ACSM2A: variants seen among roughly 807,000 people sequenced by gnomAD.
ACSM2A encodes acyl-coenzyme A synthetase ACSM2A, mitochondrial.
A neutral mutation model predicts 76.6 loss-of-function variants in ACSM2A; 72 were observed. That is an observed-to-expected ratio of 0.94 (90% CI 0.78 to 1.14). The LOEUF (loss-of-function observed/expected upper bound fraction) is 1.14, where lower values mean the gene tolerates loss of function less well. ACSM2A is among the 50% of genes most tolerant of loss of function. ACSM2A has a pLI of 0.00. For synonymous variants in ACSM2A, 249 were observed against 255.9 expected (o/e 0.97, Z 0.26); for missense variants, 684 against 708.5 (o/e 0.97, Z 0.39).
chr16:20,486,573 G>C lies in ACSM2A; in HGVS notation c.1630-1G>C. The C allele has an allele frequency of 2.5e-6, 4 of 1,614,142 alleles. No individual in the cohort carries two copies. Among genetic ancestry groups the C allele is most frequent in the Non-Finnish European group, 3.4e-6 (4 of 1,179,982 alleles). ...CCCTGGACTGATTTGTTTTTCAACA[G>C]ATAGAGTTTGTCTTGAACCTGCCCA... On this transcript the variant is annotated splice_acceptor_variant, in intron 13 of 13. Transcript: ENST00000573854. LOFTEE classifies it high-confidence loss of function.
rs184257650 is a variant in ACSM2A, at chr16:20,482,861, T to C, written c.1510-197T>C. ...TAGTCTCAATCTTTTGTCCACCTGC[T>C]CCTCCAATAAATGACTTCAGAGAGA... On this transcript the variant is annotated intron_variant, in intron 12 of 13. Coordinates refer to ENST00000573854, the MANE Select transcript of ACSM2A (RefSeq NM_001308172.2). 570 of 725,658 alleles carry C rather than the reference T, an allele frequency of 7.9e-4. 6 individuals carry two copies. In the East Asian group the frequency reaches 0.014, roughly 18 times the overall value. 45.0% of individuals were successfully genotyped at this position (725,658 alleles called of 1,614,324 possible). A position where few individuals can be genotyped will look rare whatever the true frequency, so the allele number is the denominator to read the frequency against.
chr16:20,478,764 C>G (rs2013913827), intron 10 of ACSM2A, 87 bp downstream of exon 10: 1 of 1,453,552 alleles, frequency 6.9e-7, no homozygotes, highest in Admixed American at 2.0e-5. Flanking sequence ...TCTGAAACTT[C>G]CAAGAGGCAC....
At chr16:20,457,940 C>T (rs1305501875) in intron 1 of ACSM2A, among the ~76,000 whole-genome samples, 1 of 151,944 alleles carries the variant, frequency 6.6e-6, no homozygotes. Flanking sequence ...CAAAGAACTC[C>T]TACAACTAAT....
At chr16:20,474,156 A>G in intron 6 of ACSM2A, 1 of 396,694 alleles carries the variant, frequency 2.5e-6, no homozygotes, top group Non-Finnish European at 4.9e-6. Context: ...TGTTCTCAGG[A>G]CATCCTGAGG....
rs1339082072 is a variant in ACSM2A, at chr16:20,475,640, T to C, written c.975-10T>C. 2 of 1,613,964 alleles carry C rather than the reference T, an allele frequency of 1.2e-6. No individual in the cohort carries two copies. Among genetic ancestry groups the C allele is most frequent in the South Asian group, 1.1e-5 (1 of 91,076 alleles). On this transcript the variant is annotated splice_polypyrimidine_tract_variant and intron_variant, in intron 7 of 13. Transcript: ENST00000573854. ...GAGGCTGAGGGCAAACATTTATTTCTCTTCTTCAGTTACAAGTTCCCCCAT... is the reference window on the plus strand; with the variant it reads ...GAGGCTGAGGGCAAACATTTATTTCCCTTCTTCAGTTACAAGTTCCCCCAT...
rs1177435625 is a variant in ACSM2A, at chr16:20,480,917, G to A, written c.1505G>A (p.Gly502Glu). Residue 502 changes from glycine to glutamate, a missense_variant, in exon 12 of 14, where the codon GGA becomes GAA. Coordinates refer to ENST00000573854, the MANE Select transcript of ACSM2A (RefSeq NM_001308172.2). ...AVISSPDPVR[G>E]EVVKAFVVLA... ...ATCAGCAGCCCAGACCCCGTCCGAG[G>A]AGAGGTGATGGGGAAGCAGTAGCCT... 6.2e-7 allele frequency: 1 copy of A among 1,613,924 alleles called. No homozygotes were observed. Among genetic ancestry groups the A allele is most frequent in the Non-Finnish European group, 8.5e-7 (1 of 1,179,858 alleles).
intron 9 of ACSM2A, 41 bp from the exon 10 acceptor site, chr16:20,478,535 C>T (rs2013889546): frequency 1.2e-6 from 2 of 1,600,186 alleles, no homozygotes; most frequent in Admixed American, 1.7e-5. Flanking sequence ...AAGCCATCTC[C>T]TGCTGTGTGC....
At chr16:20,452,369 C>G (rs1427308162) in intron 1 of ACSM2A, 1 of 137,442 alleles carries the variant, frequency 7.3e-6, no homozygotes, top group Non-Finnish European at 1.5e-5. Flanking sequence ...GCTTCCTGCA[C>G]TTGAACATCA....
chr16:20,477,340 T>C (rs1261390020), intron 8 of ACSM2A, 29 bp from the exon 9 acceptor site: 1 of 1,583,294 alleles, frequency 6.3e-7, no homozygotes, highest in Non-Finnish European at 8.6e-7. Flanking sequence ...CCTCCTGAGG[T>C]TTGCTGATCT....
intron 4 of ACSM2A, 22 bp downstream of exon 4, chr16:20,469,741 C>T (rs1338236995): frequency 6.2e-7 from 1 of 1,613,330 alleles, no homozygotes; most frequent in East Asian, 2.2e-5. Context: ...CATGTCTCAG[C>T]CTGGGTTTTA....
At chr16:20,475,965 G>A (rs1490253846) in intron 8 of ACSM2A, 192 bp downstream of exon 8, 65 of 1,341,658 alleles carry the variant, frequency 4.8e-5, no homozygotes, top group Non-Finnish European at 6.0e-5. Flanking sequence ...CCTGTTTTCT[G>A]GGAGATTACA....
intron 1 of ACSM2A, among the ~76,000 whole-genome samples, chr16:20,458,941 TATATA>T (rs2012431947): frequency 8.3e-6 from 1 of 120,248 alleles, no homozygotes; most frequent in Non-Finnish European, 1.7e-5. Flanking sequence ...TACATATATA[TATATA>T]ATGAAATACT....
chr16:20,486,754 G>A lies in ACSM2A; in HGVS notation c.*76G>A, dbSNP rs2014403457. Reference sequence around the variant, plus strand: ...CCCTTTGGGCCCTTGGCCTTCCTATGATTATATGAGATTCTTTATGGAAGA... The same window carrying A: ...CCCTTTGGGCCCTTGGCCTTCCTATAATTATATGAGATTCTTTATGGAAGA... On this transcript the variant is annotated 3_prime_UTR_variant, in exon 14 of 14. Coordinates refer to ENST00000573854, the MANE Select transcript of ACSM2A (RefSeq NM_001308172.2). The A allele has an allele frequency of 1.3e-6, 2 of 1,511,016 alleles. No homozygotes were observed. The highest frequency in any genetic ancestry group is 9.1e-7 in the Non-Finnish European group (1 of 1,099,104). 93.6% of individuals were successfully genotyped at this position (1,511,016 alleles called of 1,614,324 possible).
At chr16:20,453,419 T>A (rs1226758657) in intron 1 of ACSM2A, 7 of 151,494 alleles carry the variant, frequency 4.6e-5, no homozygotes, top group Non-Finnish European at 1.0e-4. Flanking sequence ...ATTTATCACG[T>A]CCCCAATTAA....
chr16:20,468,034 G>A (rs1271053348), intron 3 of ACSM2A, among the ~76,000 whole-genome samples: 1 of 152,038 alleles, frequency 6.6e-6, no homozygotes, highest in Non-Finnish European at 1.5e-5. Context: ...AATGCAGCCA[G>A]GAATTAGAAA....
Position 20,477,447 on chromosome 16 carries a change from C to T in ACSM2A, c.1177C>T (p.Gln393Ter). 6 of 1,599,528 alleles carry T rather than the reference C, an allele frequency of 3.8e-6. No individual in the cohort carries two copies. The highest frequency in any genetic ancestry group is 5.1e-6 in the Non-Finnish European group (6 of 1,173,282). The change falls in exon 9 of 14, where the codon CAG becomes TAG. Residue 393 changes from glutamine to a stop codon, truncating the protein, a stop_gained and splice_region_variant. Transcript: ENST00000573854. LOFTEE classifies it high-confidence loss of function. ...MGTAASCYDV[Q>*]IIDDKGNVLP... is the part of the protein sequence containing the mutation. ...AACGGCTGCTTCCTGTTATGATGTA[C>T]AGGTTTGCTCGGGACACTGAGGAGG...
intron 3 of ACSM2A, 43 bp from the exon 4 acceptor site, chr16:20,469,469 G>T: frequency 6.2e-7 from 1 of 1,609,518 alleles, no homozygotes; most frequent in Non-Finnish European, 8.5e-7. Context: ...TAGGGACAAA[G>T]AAAATCATCC....
In ACSM2A at chr16:20,460,264, G is replaced by A; in HGVS notation, c.150G>A (p.Val50=). 2 of 1,613,696 alleles carry A rather than the reference G, an allele frequency of 1.2e-6. No individual in the cohort carries two copies. The highest frequency in any genetic ancestry group is 8.5e-7 in the Non-Finnish European group (1 of 1,179,768). ...VPAKFNFASD[V]LDHWADMEKA... is the part of the protein sequence containing the mutation. ...CCAAGTTTAACTTTGCTAGTGATGTGTTGGATCACTGGGCTGACATGGAGA... is the reference window on the plus strand; with the variant it reads ...CCAAGTTTAACTTTGCTAGTGATGTATTGGATCACTGGGCTGACATGGAGA... The change falls in exon 2 of 14, where the codon GTG becomes GTA. Residue 50 remains valine, a synonymous_variant. Transcript: ENST00000573854.
intron 1 of ACSM2A, among the ~76,000 whole-genome samples, chr16:20,454,582 C>G (rs1425859771): frequency 6.6e-6 from 1 of 151,820 alleles, no homozygotes; most frequent in Non-Finnish European, 1.5e-5. Context: ...GTTTGGCTCT[C>G]AGAAAGCCAC....
Sources: gnomAD v4.1 joint callset for allele counts (sites outside exome capture counted in the v4.1 genomes callset) on GRCh38, gnomAD v4.1.1 for gene constraint, MANE v1.5 for transcripts, NCBI Gene and HGNC (gene_info 2026-07-23, HGNC 2026-07-21) for gene names.